The following OR3A2 variants were observed in gnomAD, a reference collection of about 807,000 sequenced individuals.
OR3A2 encodes the protein olfactory receptor family 3 subfamily A member 2.
For missense variants in OR3A2, 318 were observed against 392.8 expected, an observed-to-expected ratio of 0.81 and a Z score of 1.61; for synonymous variants, 126 against 159.3, an observed-to-expected ratio of 0.79 and a Z score of 1.57.
At chr17:3,327,934 G>T (rs1481279236) in intron 3 of OR3A2, among the ~76,000 whole-genome samples, 1 of 120,038 alleles carries the variant, frequency 8.3e-6, no homozygotes, top group Non-Finnish European at 1.7e-5. Context: ...TTTGGTACCA[G>T]TACCATGCTG....
intron 3 of OR3A2, among the ~76,000 whole-genome samples, chr17:3,300,810 T>C (rs2048958183): frequency 6.6e-6 from 1 of 151,854 alleles, no homozygotes; most frequent in African/African-American, 2.4e-5. Context: ...TCATTTACAT[T>C]AGGTATATCT....
intron 1 of OR3A2, among the ~76,000 whole-genome samples, chr17:3,283,978 T>C (rs2048792397): frequency 7.0e-6 from 1 of 142,760 alleles, no homozygotes; most frequent in African/African-American, 2.7e-5. Flanking sequence ...GCACGACCAC[T>C]CTCGAGGCTC....
chr17:3,360,645 G>A (rs1301074235), intron 2 of OR3A2, among the ~76,000 whole-genome samples: 1 of 151,754 alleles, frequency 6.6e-6, no homozygotes, highest in Non-Finnish European at 1.5e-5. Flanking sequence ...TGGCTAGCCA[G>A]TTTTCCCAGC....
At chr17:3,301,324 C>A (rs982575528) in intron 3 of OR3A2, among the ~76,000 whole-genome samples, 2 of 152,134 alleles carry the variant, frequency 1.3e-5, no homozygotes, top group Non-Finnish European at 2.9e-5. Flanking sequence ...TAAAAGTGTT[C>A]CTATTTCTTC....
intron 2 of OR3A2, among the ~76,000 whole-genome samples, chr17:3,342,843 AG>A (rs1567561687): frequency 1.3e-5 from 2 of 152,222 alleles, no homozygotes; most frequent in East Asian, 3.8e-4. Flanking sequence ...TTAAGTCTGC[AG>A]AAGTTTCTGC....
chr17:3,283,964 T>C (rs2150617940), intron 1 of OR3A2, among the ~76,000 whole-genome samples: 1 of 141,732 alleles, frequency 7.1e-6, no homozygotes, highest in Admixed American at 7.2e-5. Context: ...TGGGGAGCCC[T>C]CCTGCACGAC....
Position 3,311,032 on chromosome 17 carries a change from T to A in OR3A2, c.-85+25001A>T. On this transcript the variant is annotated intron_variant, in intron 3 of 4. Coordinates refer to the OR3A2 transcript ENST00000573491. The surrounding 1 kb of genome is among the most constrained non-coding windows in gnomAD (Gnocchi z 4.6). ...TCTGCAGAGGGCAGAAAGAAAGCCT[T>A]CTCCACGTGTAGTTCCCACCTCACT... 3 of 546,858 alleles carry A rather than the reference T, an allele frequency of 5.5e-6. No individual in the cohort carries two copies. The Middle Eastern group carries it at 9.4e-4, about 171-fold the overall frequency. 33.9% of individuals were successfully genotyped at this position (546,858 alleles called of 1,614,324 possible).
chr17:3,334,457 T>G (rs1253043648), intron 3 of OR3A2, among the ~76,000 whole-genome samples: 1 of 152,178 alleles, frequency 6.6e-6, no homozygotes, highest in African/African-American at 2.4e-5. Flanking sequence ...TCCATCATGT[T>G]GCTGCAAATG....
intron 2 of OR3A2, among the ~76,000 whole-genome samples, chr17:3,369,472 T>C (rs2049592791): frequency 1.3e-5 from 2 of 152,230 alleles, no homozygotes; most frequent in African/African-American, 4.8e-5. Flanking sequence ...TCAAATGCTT[T>C]TTCTGCATCT....
chr17:3,326,089 C>T (rs764003263), intron 3 of OR3A2, among the ~76,000 whole-genome samples: 33 of 152,084 alleles, frequency 2.2e-4, no homozygotes, highest in Non-Finnish European at 5.9e-5. Context: ...TGGCTTCCAG[C>T]TCCATCCATG....
intron 2 of OR3A2, among the ~76,000 whole-genome samples, chr17:3,360,206 G>T (rs949447730): frequency 2.0e-5 from 3 of 151,768 alleles, no homozygotes; most frequent in African/African-American, 7.3e-5. Flanking sequence ...TCTGTTGGCT[G>T]CATAAATGTC....
chr17:3,334,620 TA>T (rs1345072549), intron 3 of OR3A2, among the ~76,000 whole-genome samples: 4 of 152,204 alleles, frequency 2.6e-5, no homozygotes, highest in Non-Finnish European at 4.4e-5. Context: ...CCAGGTTGAC[TA>T]TAGAATTATT....
chr17:3,367,606 T>TATA (rs1294417723), intron 2 of OR3A2, among the ~76,000 whole-genome samples: 2 of 142,282 alleles, frequency 1.4e-5, no homozygotes, highest in African/African-American at 5.7e-5. Flanking sequence ...TGTGTGTATA[T>TATA]ATATATATAT....
At chr17:3,380,916 T>A (rs1201449562) in intron 2 of OR3A2, among the ~76,000 whole-genome samples, 1 of 152,198 alleles carries the variant, frequency 6.6e-6, no homozygotes, top group African/African-American at 2.4e-5. Flanking sequence ...GATGTTTGCG[T>A]GTAAGATTCA....
intron 3 of OR3A2, among the ~76,000 whole-genome samples, chr17:3,325,302 C>A (rs1298383592): frequency 6.6e-6 from 1 of 150,782 alleles, no homozygotes; most frequent in Non-Finnish European, 1.5e-5. Context: ...CTCCACCTCC[C>A]AGGTTCAAGC....
At chr17:3,365,242 T>C (rs1597359869) in intron 2 of OR3A2, among the ~76,000 whole-genome samples, 1 of 152,218 alleles carries the variant, frequency 6.6e-6, no homozygotes, top group Non-Finnish European at 1.5e-5. Flanking sequence ...AAAATAAGAT[T>C]GATGGGATCT....
chr17:3,381,873 G>A (rs1385586791), intron 2 of OR3A2, among the ~76,000 whole-genome samples: 5 of 152,098 alleles, frequency 3.3e-5, no homozygotes, highest in Non-Finnish European at 5.9e-5. Context: ...CCGAGCCTGA[G>A]GTCAGATGAG....
intron 2 of OR3A2, among the ~76,000 whole-genome samples, chr17:3,374,790 G>C (rs1167051073): frequency 6.6e-6 from 1 of 152,112 alleles, no homozygotes; most frequent in Non-Finnish European, 1.5e-5. Flanking sequence ...TGATTTCTGA[G>C]ATTGTGGTGC....
At chr17:3,284,907 T>G (rs114555846), upstream of OR3A2, among the ~76,000 whole-genome samples, 746 of 150,716 alleles carry the variant, frequency 4.9e-3, 5 homozygotes, top group African/African-American at 0.017. Flanking sequence ...CCTGGGGAGG[T>G]AGGAGGAGGC....
Sources: allele counts gnomAD v4.1 joint callset (sites outside exome capture counted in the v4.1 genomes callset), GRCh38; gene constraint gnomAD v4.1.1; non-coding constraint Gnocchi (gnomAD v3.1); transcripts MANE v1.5; gene names NCBI Gene and HGNC (gene_info 2026-07-23, HGNC 2026-07-21).